The following STX8 variants were observed in gnomAD, a reference collection of about 807,000 sequenced individuals.
STX8 encodes syntaxin 8, also known as syntaxin-8.
STX8 carries 23 observed loss-of-function variants against 37.5 expected under a neutral mutation model. That is an observed-to-expected ratio of 0.61 (90% CI 0.44 to 0.87). The LOEUF (loss-of-function observed/expected upper bound fraction) is 0.87, where lower values mean the gene tolerates loss of function less well. STX8 is among the 40% of genes least tolerant of loss of function. The pLI is 0.00. For missense variants in STX8, 313 were observed against 284.7 expected (o/e 1.10, Z -0.71); for synonymous variants, 115 against 99.1 (o/e 1.16, Z -0.95).
chr17:9,296,969 A>C (rs138445750), intron 7 of STX8, among the ~76,000 whole-genome samples: 1 of 152,296 alleles, frequency 6.6e-6, no homozygotes, highest in African/African-American at 2.4e-5. Flanking sequence ...AAAATTACAT[A>C]AGCTGTCAAG....
In STX8 at chr17:9,505,119, G is replaced by A. The variant is rs1048072628; in HGVS notation, c.367C>T (p.Pro123Ser). The change falls in exon 5 of 8, where the codon CCT becomes TCT. Residue 123 changes from proline (P) to serine (S), a missense_variant. Pro to Ser is a moderately conservative substitution (Grantham distance 74). Coordinates refer to ENST00000306357, the MANE Select transcript of STX8 (RefSeq NM_004853.3). ...TCCTCTGGCTCCTCAAAGAGCCAAG[G>A]GTTGGGTGCTCCTCGCTTAGCCTCT... ...SEEAKRGAPN[P>S]WLFEEPEETR... The A allele has an allele frequency of 1.2e-6, 2 of 1,614,062 alleles. No homozygotes were observed. Among genetic ancestry groups the A allele is most frequent in the African/African-American group, 1.3e-5 (1 of 75,004 alleles).
At chr17:9,401,333 G>T (rs76360429) in intron 6 of STX8, among the ~76,000 whole-genome samples, 1 of 151,948 alleles carries the variant, frequency 6.6e-6, no homozygotes, top group Non-Finnish European at 1.5e-5. Flanking sequence ...GTTTTCAGTC[G>T]ATTTCATATA....
intron 4 of STX8, among the ~76,000 whole-genome samples, chr17:9,514,857 GCAGAAA>G (rs1905120826): frequency 1.3e-5 from 2 of 152,080 alleles, no homozygotes; most frequent in African/African-American, 4.8e-5. Flanking sequence ...TAGACAGAAG[GCAGAAA>G]CTGAAAATCA....
rs1324322518 is a variant in STX8 at position 9,472,073 on chromosome 17, T to A, written c.541+19756A>T. Among the ~76,000 whole-genome samples the A allele has an allele frequency of 2.5e-3, 380 of 150,834 alleles. 2 individuals carry two copies. The highest frequency in any genetic ancestry group is 8.7e-3 in the African/African-American group (359 of 41,266). On this transcript the variant is annotated intron_variant, in intron 6 of 7. Transcript: ENST00000306357. ...AACAACTCATCCTGGTAGATTCCTT[T>A]TTTTTTTTTTTTTCAAAAGAAAAAA...
At chr17:9,494,224 C>T (rs980338815) in intron 5 of STX8, among the ~76,000 whole-genome samples, 17 of 151,802 alleles carry the variant, frequency 1.1e-4, no homozygotes, top group Admixed American at 5.2e-4. Context: ...ACCGTGTTAG[C>T]CAGGATGGTC....
At chr17:9,550,746 C>T (rs1597738219) in intron 3 of STX8, among the ~76,000 whole-genome samples, 1 of 152,186 alleles carries the variant, frequency 6.6e-6, no homozygotes, top group South Asian at 2.1e-4. Context: ...AATCCCACTC[C>T]AGCTCCTGGA....
chr17:9,566,048 C>G (rs1233641288), intron 2 of STX8, among the ~76,000 whole-genome samples: 1 of 152,184 alleles, frequency 6.6e-6, no homozygotes, highest in East Asian at 1.9e-4. Context: ...AAAATATTTG[C>G]AAGCTATCCA....
At position 9,250,475 on chromosome 17, in the gene STX8, A is replaced by G. The variant is rs1373581095; in HGVS notation, c.*103T>C. Reference sequence around the variant, plus strand: ...ACTGAAGCAATGCACAAGAGGTCAGAGCTTTGGGGGAATTTATTGAGAGCA... The same window carrying G: ...ACTGAAGCAATGCACAAGAGGTCAGGGCTTTGGGGGAATTTATTGAGAGCA... On this transcript the variant is annotated 3_prime_UTR_variant, in exon 8 of 8. Transcript: ENST00000306357. 7 of 1,113,066 alleles carry G rather than the reference A, an allele frequency of 6.3e-6. No individual in the cohort carries two copies. The highest frequency in any genetic ancestry group is 9.3e-6 in the Non-Finnish European group (7 of 751,554). 68.9% of individuals were successfully genotyped at this position (1,113,066 alleles called of 1,614,324 possible). A position where few individuals can be genotyped will look rare whatever the true frequency, so the allele number is the denominator to read the frequency against.
At chr17:9,298,707 G>C (rs1567773749) in intron 7 of STX8, among the ~76,000 whole-genome samples, 1 of 152,258 alleles carries the variant, frequency 6.6e-6, no homozygotes, top group East Asian at 1.9e-4. Context: ...AGCTACTCAG[G>C]AGACTGAGGC....
At chr17:9,266,832 C>A (rs564466554) in intron 7 of STX8, among the ~76,000 whole-genome samples, 2 of 152,124 alleles carry the variant, frequency 1.3e-5, no homozygotes, top group Admixed American at 1.3e-4. Flanking sequence ...GATGAGAGAG[C>A]GGCCAGACGT....
intron 7 of STX8, among the ~76,000 whole-genome samples, chr17:9,345,848 C>CTTTCTTTTTTTTTT (rs1555599095): frequency 5.8e-5 from 3 of 52,076 alleles, no homozygotes; most frequent in African/African-American, 1.4e-4. Flanking sequence ...TTATGCATTC[C>CTTTCTTTTTTTTTT]TTTTTTTTTT....
intron 6 of STX8, among the ~76,000 whole-genome samples, chr17:9,455,594 T>C (rs1275764038): frequency 6.6e-6 from 1 of 152,108 alleles, no homozygotes; most frequent in East Asian, 1.9e-4. Flanking sequence ...GAAAATATTT[T>C]GGTATCTTGG....
At chr17:9,266,135 C>T (rs1428453759) in intron 7 of STX8, among the ~76,000 whole-genome samples, 1 of 152,260 alleles carries the variant, frequency 6.6e-6, no homozygotes, top group Non-Finnish European at 1.5e-5. Context: ...TTAGAAATAA[C>T]ACATTACAAA....
At chr17:9,333,473 C>T (rs371329870) in intron 7 of STX8, among the ~76,000 whole-genome samples, 5 of 152,198 alleles carry the variant, frequency 3.3e-5, no homozygotes, top group South Asian at 2.1e-4. Flanking sequence ...CTGCAAGCTC[C>T]GCCTCCCGGG....
chr17:9,408,156 T>C (rs901988311), intron 6 of STX8, among the ~76,000 whole-genome samples: 1 of 152,264 alleles, frequency 6.6e-6, no homozygotes, highest in African/African-American at 2.4e-5. Context: ...GGGGCATGAC[T>C]CCCCAGACCC....
Position 9,378,561 on chromosome 17 carries a change from C to T in STX8, c.634G>A (p.Ala212Thr). ...RRVNMVDRKS[A>T]SCGMIMVILL... The stretch of plus-strand genomic sequence containing the variant: ...CGTAGCTATCTCTTACCACAAGAGG[C>T]TGACTTTCTGTCCACCATGTTTACC... Residue 212 changes from alanine to threonine, a missense_variant, in exon 7 of 8, where the codon GCC (alanine) becomes ACC (threonine). Transcript: ENST00000306357. 6.2e-7 allele frequency: 1 copy of T among 1,613,480 alleles called. No homozygotes were observed. Among genetic ancestry groups the T allele is most frequent in the African/African-American group, 1.3e-5 (1 of 75,034 alleles).
chr17:9,394,870 AGCCTG>A (rs1345773540), intron 6 of STX8, among the ~76,000 whole-genome samples: 4 of 150,844 alleles, frequency 2.7e-5, no homozygotes, highest in Middle Eastern at 6.9e-3. Context: ...GTTTGAGACC[AGCCTG>A]GCCTGGCCTG....
chr17:9,310,775 T>C (rs1196080548), intron 7 of STX8, among the ~76,000 whole-genome samples: 1 of 152,140 alleles, frequency 6.6e-6, no homozygotes, highest in East Asian at 1.9e-4. Context: ...GTCTCGATGT[T>C]AGAGCTGGGA....
At chr17:9,316,835 T>C (rs754587552) in intron 7 of STX8, among the ~76,000 whole-genome samples, 3 of 152,202 alleles carry the variant, frequency 2.0e-5, no homozygotes, top group Non-Finnish European at 2.9e-5. Context: ...AGGGGCCCTG[T>C]GAGATTTAAC....
Sources: allele counts gnomAD v4.1 joint callset (sites outside exome capture counted in the v4.1 genomes callset), GRCh38; gene constraint gnomAD v4.1.1; transcripts MANE v1.5; gene names NCBI Gene and HGNC (gene_info 2026-07-23, HGNC 2026-07-21).